AUTS2: variants seen among roughly 807,000 people sequenced by gnomAD.
AUTS2 encodes the protein autism susceptibility gene 2 protein.
A neutral mutation model predicts 112.4 loss-of-function variants in AUTS2; 17 were observed. That is an observed-to-expected ratio of 0.15 (90% confidence interval 0.10 to 0.23). The LOEUF is 0.23. Ranked by LOEUF, AUTS2 falls within the 10% of genes least tolerant of loss-of-function variation. The pLI is 1.00. For synonymous variants in AUTS2, 751 were observed against 702.7 expected, an observed-to-expected ratio of 1.07 and a Z score of -1.09; for missense variants, 1,510 against 1,701.6, an observed-to-expected ratio of 0.89 and a Z score of 1.98.
At chr7:70,087,983 G>A (rs1584701759) in intron 2 of AUTS2, among the ~76,000 whole-genome samples, 1 of 149,064 alleles carries the variant, frequency 6.7e-6, no homozygotes, top group Non-Finnish European at 1.5e-5. Context: ...TTAATATTTT[G>A]AAAATCTGTG....
At chr7:70,678,934 C>A (rs1283594900) in intron 5 of AUTS2, among the ~76,000 whole-genome samples, 1 of 152,132 alleles carries the variant, frequency 6.6e-6, no homozygotes, top group Admixed American at 6.5e-5. Context: ...CACTGGCAAA[C>A]CTGGCCCAAT....
intron 1 of AUTS2, among the ~76,000 whole-genome samples, chr7:69,887,985 A>G (rs568423307): frequency 1.3e-5 from 2 of 152,120 alleles, no homozygotes; most frequent in South Asian, 4.2e-4. Context: ...GGATGTGGTA[A>G]TGTGTCTTAG....
At chr7:70,605,546 C>CTCTTTTTT (rs1554440368) in intron 5 of AUTS2, among the ~76,000 whole-genome samples, 2 of 70,680 alleles carry the variant, frequency 2.8e-5, no homozygotes, top group Admixed American at 1.8e-4. Context: ...CCTTCTTTCT[C>CTCTTTTTT]TTTTTTTTTT....
chr7:69,734,216 C>T (rs1786928187), intron 1 of AUTS2, among the ~76,000 whole-genome samples: 1 of 152,080 alleles, frequency 6.6e-6, no homozygotes, highest in Admixed American at 6.6e-5. Context: ...GTCTCCTAGA[C>T]AAGAGACTTG....
At chr7:70,436,039 G>A (rs1795881064) in intron 5 of AUTS2, 1 of 378,084 alleles carries the variant, frequency 2.6e-6, no homozygotes, top group African/African-American at 2.1e-5. Context: ...TATGGAAGAT[G>A]ACTCATAGAC....
chr7:69,643,976 T>G (rs1352908935), intron 1 of AUTS2, among the ~76,000 whole-genome samples: 1 of 152,130 alleles, frequency 6.6e-6, no homozygotes, highest in African/African-American at 2.4e-5. Flanking sequence ...ATACATAAGG[T>G]TCACAATTCA....
At chr7:69,942,309 C>T (rs1490533526) in intron 2 of AUTS2, among the ~76,000 whole-genome samples, 1 of 152,142 alleles carries the variant, frequency 6.6e-6, no homozygotes, top group Non-Finnish European at 1.5e-5. Context: ...AACAAAAAAC[C>T]TATCTTCTGA....
chr7:70,384,456 C>G (rs185916447), intron 4 of AUTS2, among the ~76,000 whole-genome samples: 84 of 152,336 alleles, frequency 5.5e-4, no homozygotes, highest in African/African-American at 1.9e-3. Context: ...AGAAGTAATT[C>G]TGGATGACAA....
At chr7:70,175,171 T>C (rs1808918086) in intron 4 of AUTS2, among the ~76,000 whole-genome samples, 1 of 152,150 alleles carries the variant, frequency 6.6e-6, no homozygotes, top group Non-Finnish European at 1.5e-5. Context: ...TGGATGTCTT[T>C]GAGGTGTTCA....
chr7:70,508,066 A>C (rs943129205), intron 5 of AUTS2, among the ~76,000 whole-genome samples: 2 of 152,242 alleles, frequency 1.3e-5, no homozygotes, highest in Non-Finnish European at 2.9e-5. Flanking sequence ...GGCTTGATTT[A>C]ATCGAAGAGC....
chr7:69,638,704 A>G (rs985082626), intron 1 of AUTS2, among the ~76,000 whole-genome samples: 4 of 152,196 alleles, frequency 2.6e-5, no homozygotes, highest in African/African-American at 9.6e-5. Flanking sequence ...ATTTACTTCA[A>G]GCAGTATTGC....
intron 4 of AUTS2, among the ~76,000 whole-genome samples, chr7:70,228,495 T>C (rs1424171525): frequency 6.6e-6 from 1 of 151,938 alleles, no homozygotes; most frequent in Non-Finnish European, 1.5e-5. Context: ...TGATTTTCCT[T>C]TACTGCTTCT....
chr7:70,408,981 A>G (rs1407784886), intron 4 of AUTS2, among the ~76,000 whole-genome samples: 1 of 152,248 alleles, frequency 6.6e-6, no homozygotes, highest in African/African-American at 2.4e-5. Flanking sequence ...GAAGCATTAT[A>G]AATCTATCCA....
At chr7:70,593,255 CAAAT>C (rs746760256) in intron 5 of AUTS2, among the ~76,000 whole-genome samples, 7 of 152,146 alleles carry the variant, frequency 4.6e-5, no homozygotes, top group Non-Finnish European at 7.3e-5. Flanking sequence ...GGAATTAACA[CAAAT>C]AAAGCACTTA....
intron 14 of AUTS2, chr7:70,781,356 C>G (rs902652860): frequency 3.3e-6 from 1 of 306,680 alleles, no homozygotes; most frequent in Non-Finnish European, 5.7e-6. Context: ...GTGAGGGAGA[C>G]TCCGTCACAA....
chr7:70,302,818 C>T (rs1789280756), intron 4 of AUTS2, among the ~76,000 whole-genome samples: 2 of 151,896 alleles, frequency 1.3e-5, no homozygotes, highest in Non-Finnish European at 2.9e-5. Flanking sequence ...CCACTAAGCA[C>T]TTCTCATCAT....
chr7:70,702,740 T>G (rs1422967454), intron 6 of AUTS2, among the ~76,000 whole-genome samples: 2 of 152,076 alleles, frequency 1.3e-5, no homozygotes, highest in Non-Finnish European at 2.9e-5. Flanking sequence ...GAGGTTCTAG[T>G]GGATAGTCAC....
At chr7:70,187,775 C>CTTTT (rs71077627) in intron 4 of AUTS2, among the ~76,000 whole-genome samples, 1,326 of 110,240 alleles carry the variant, frequency 0.012, 51 homozygotes, top group African/African-American at 0.032. Context: ...AACTAGTCTT[C>CTTTT]TTTTTTTTTT....
At chr7:69,682,669 T>C (rs1796854206) in intron 1 of AUTS2, among the ~76,000 whole-genome samples, 1 of 152,204 alleles carries the variant, frequency 6.6e-6, no homozygotes, top group Non-Finnish European at 1.5e-5. Context: ...TGCCTTCTGG[T>C]CGGTAGCAGC....
Sources: gnomAD v4.1 joint callset for allele counts (sites outside exome capture counted in the v4.1 genomes callset) on GRCh38, gnomAD v4.1.1 for gene constraint, MANE v1.5 for transcripts, NCBI Gene and HGNC (gene_info 2026-07-23, HGNC 2026-07-21) for gene names.